Variants in MYT1L observed in about 807,000 individuals in gnomAD.
MYT1L encodes the protein myelin transcription factor 1-like protein.
MYT1L carries 12 observed loss-of-function variants against 126.7 expected under a neutral mutation model. The ratio of observed to expected loss-of-function variants is 0.09; its 90% CI spans 0.06 to 0.15. The LOEUF (loss-of-function observed/expected upper bound fraction) is 0.15, where lower values mean the gene tolerates loss of function less well. Among genes scored for constraint, MYT1L ranks in the 10% least tolerant of loss-of-function variants. MYT1L has a pLI of 1.00. For synonymous variants in MYT1L, 541 were observed against 604.2 expected (o/e 0.90, Z 1.53); for missense variants, 979 against 1,585.2 (o/e 0.62, Z 6.49).
At chr2:2,097,318 A>G (rs1389209854) in intron 3 of MYT1L, among the ~76,000 whole-genome samples, 1 of 152,076 alleles carries the variant, frequency 6.6e-6, no homozygotes, top group Non-Finnish European at 1.5e-5. Context: ...CCTGGAACCC[A>G]TGCATTCAGC....
intron 22 of MYT1L, among the ~76,000 whole-genome samples, chr2:1,807,665 A>T (rs2035925368): frequency 6.6e-6 from 1 of 152,154 alleles, no homozygotes; most frequent in South Asian, 2.1e-4. Context: ...CAGTCTGCTC[A>T]ATGGCTACAG....
rs184253569 is a variant in MYT1L at position 1,887,734 on chromosome 2, C to T, written c.2521-125G>A. 3.2e-4 allele frequency: 368 copies of T among 1,151,036 alleles called. 1 individual carries two copies. In the East Asian group the frequency reaches 6.5e-3, roughly 20 times the overall value. The allele number at this position is 1,151,036 out of a possible 1,614,324, so 71.3% of individuals were successfully genotyped here. Reference sequence around the variant, plus strand: ...CCTCTTTCTGCTGTACCTTTAAGATCCTTTTGGTCCTGATAACGCCCCTAC... The same window carrying T: ...CCTCTTTCTGCTGTACCTTTAAGATTCTTTTGGTCCTGATAACGCCCCTAC... On this transcript the variant is annotated intron_variant, in intron 16 of 24. Transcript: ENST00000647738. This position sits in a 1 kb window ranked among gnomAD's most constrained non-coding sequence, Gnocchi z 4.8.
At chr2:1,867,977 C>CT (rs137899286) in intron 18 of MYT1L, among the ~76,000 whole-genome samples, 23,016 of 149,326 alleles carry the variant, frequency 0.15, 2,146 homozygotes, top group East Asian at 0.34. Context: ...GCTTTTCTTT[C>CT]TTTTTTTTTT....
At chr2:1,853,887 T>A (rs1490075889) in intron 18 of MYT1L, among the ~76,000 whole-genome samples, 1 of 152,212 alleles carries the variant, frequency 6.6e-6, no homozygotes, top group Non-Finnish European at 1.5e-5. Context: ...ATAAAAGTTT[T>A]TGTGGTAGTT....
chr2:1,975,709 C>T (rs2060122140), intron 8 of MYT1L, among the ~76,000 whole-genome samples: 1 of 152,120 alleles, frequency 6.6e-6, no homozygotes, highest in Non-Finnish European at 1.5e-5. Flanking sequence ...ACTAAAAATA[C>T]AAAAATTAGC....
chr2:1,839,994 C>T (rs1660006139), intron 20 of MYT1L, among the ~76,000 whole-genome samples: 2 of 152,216 alleles, frequency 1.3e-5, no homozygotes. Flanking sequence ...ACCAGGGCAG[C>T]AAAGGCGCCT....
At chr2:1,961,239 A>G (rs2058934228) in intron 8 of MYT1L, among the ~76,000 whole-genome samples, 1 of 152,264 alleles carries the variant, frequency 6.6e-6, no homozygotes, top group Non-Finnish European at 1.5e-5. Flanking sequence ...CGGTTACACT[A>G]AAAGCCAGAC....
chr2:2,150,764 G>A (rs955720567), intron 3 of MYT1L, among the ~76,000 whole-genome samples: 5 of 151,718 alleles, frequency 3.3e-5, no homozygotes, highest in African/African-American at 1.2e-4. Flanking sequence ...GATGTGAAGA[G>A]CATATTCTTA....
At chr2:2,311,647 C>T (rs1207717110) in intron 1 of MYT1L, among the ~76,000 whole-genome samples, 1 of 152,168 alleles carries the variant, frequency 6.6e-6, no homozygotes, top group African/African-American at 2.4e-5. Flanking sequence ...GGTCCTCCCC[C>T]CATCTCTCTT....
chr2:2,326,962 AG>A (rs1454225875), intron 1 of MYT1L: 1 of 152,188 alleles, frequency 6.6e-6, no homozygotes, highest in African/African-American at 2.4e-5. Context: ...GAAAGTGGAG[AG>A]AAAGAGAGAG....
At chr2:1,993,268 A>C (rs1042836384) in intron 5 of MYT1L, among the ~76,000 whole-genome samples, 4 of 152,144 alleles carry the variant, frequency 2.6e-5, no homozygotes, top group African/African-American at 9.7e-5. Flanking sequence ...TATCGGGTTG[A>C]AGTACAAACA....
At chr2:2,010,047 T>G (rs2063681828) in intron 4 of MYT1L, among the ~76,000 whole-genome samples, 1 of 152,168 alleles carries the variant, frequency 6.6e-6, no homozygotes, top group Non-Finnish European at 1.5e-5. Flanking sequence ...GAAACCAGCC[T>G]CCCATTGCAT....
intron 18 of MYT1L, among the ~76,000 whole-genome samples, chr2:1,871,952 C>T (rs982707717): frequency 2.0e-5 from 3 of 152,140 alleles, no homozygotes; most frequent in Non-Finnish European, 4.4e-5. Flanking sequence ...CACATGGATT[C>T]TGGAGGAGGC....
intron 18 of MYT1L, among the ~76,000 whole-genome samples, chr2:1,867,645 C>T (rs1222176140): frequency 6.6e-6 from 1 of 152,122 alleles, no homozygotes; most frequent in African/African-American, 2.4e-5. Context: ...GACCTCGGGG[C>T]GCTCTCTGGC....
intron 8 of MYT1L, among the ~76,000 whole-genome samples, chr2:1,957,855 C>T (rs556447639): frequency 6.6e-6 from 1 of 152,280 alleles, no homozygotes; most frequent in East Asian, 1.9e-4. Flanking sequence ...CACAATAGGT[C>T]CTCAGTGTGT....
intron 3 of MYT1L, among the ~76,000 whole-genome samples, chr2:2,076,779 CATG>C (rs1191272373): frequency 3.4e-5 from 5 of 149,094 alleles, no homozygotes; most frequent in Non-Finnish European, 1.5e-5. Context: ...TTACAAAAAG[CATG>C]AGAGATACAA....
intron 8 of MYT1L, among the ~76,000 whole-genome samples, chr2:1,959,055 A>T (rs2058744795): frequency 6.6e-6 from 1 of 152,208 alleles, no homozygotes. Flanking sequence ...CCCTCTGGGG[A>T]TGTCAGCGTC....
At chr2:1,974,160 C>T (rs924008944) in intron 8 of MYT1L, among the ~76,000 whole-genome samples, 4 of 152,114 alleles carry the variant, frequency 2.6e-5, no homozygotes, top group Non-Finnish European at 4.4e-5. Flanking sequence ...TATTGGGGAC[C>T]GAAACTAAAT....
At chr2:2,236,814 C>A (rs954867086) in intron 2 of MYT1L, among the ~76,000 whole-genome samples, 1 of 7,068 alleles carries the variant, frequency 1.4e-4, no homozygotes, top group South Asian at 5.9e-3. Flanking sequence ...TCTTCTTCTT[C>A]TTTTTTTTTT....
Sources: gnomAD v4.1 joint callset for allele counts (sites outside exome capture counted in the v4.1 genomes callset) on GRCh38, gnomAD v4.1.1 for gene constraint, Gnocchi (gnomAD v3.1) non-coding constraint, MANE v1.5 for transcripts, NCBI Gene and HGNC (gene_info 2026-07-23, HGNC 2026-07-21) for gene names.